Variants in SOX6 observed in about 807,000 individuals in gnomAD.
SOX6 encodes SRY-box transcription factor 6.
SOX6 carries 11 observed loss-of-function variants against 97.8 expected under a neutral mutation model. That is an observed-to-expected ratio of 0.11 (90% CI 0.07 to 0.19). The LOEUF (loss-of-function observed/expected upper bound fraction) is 0.19. Among genes scored for constraint, SOX6 ranks in the 10% least tolerant of loss-of-function variants. The probability of loss-of-function intolerance (pLI) is 1.00; values close to 1 mark genes in which losing one functional copy is unlikely to be tolerated. For synonymous variants in SOX6, 360 were observed against 371.4 expected, an observed-to-expected ratio of 0.97 and a Z score of 0.35; for missense variants, 810 against 1,039.5, an observed-to-expected ratio of 0.78 and a Z score of 3.04.
At chr11:16,608,035 C>T (rs1281587231) in intron 4 of SOX6, among the ~76,000 whole-genome samples, 1 of 151,558 alleles carries the variant, frequency 6.6e-6, no homozygotes, top group Non-Finnish European at 1.5e-5. Flanking sequence ...TAGGGGAGAA[C>T]TGGAAGGAGA....
intron 13 of SOX6, among the ~76,000 whole-genome samples, chr11:16,002,992 A>G (rs534278979): frequency 6.6e-6 from 1 of 152,300 alleles, no homozygotes; most frequent in East Asian, 1.9e-4. Flanking sequence ...TCTTACACCC[A>G]GTTTTAAATC....
intron 6 of SOX6, among the ~76,000 whole-genome samples, chr11:16,138,857 T>A (rs990972930): frequency 6.6e-6 from 1 of 152,124 alleles, no homozygotes; most frequent in African/African-American, 2.4e-5. Context: ...AGTTTCATCC[T>A]TGTCCCTACA....
At chr11:16,387,195 AT>A (rs1858013770) in intron 1 of SOX6, among the ~76,000 whole-genome samples, 1 of 152,200 alleles carries the variant, frequency 6.6e-6, no homozygotes, top group Non-Finnish European at 1.5e-5. Context: ...CAAAAGACTG[AT>A]TTAACTGATT....
chr11:16,631,954 A>G (rs1374087363), intron 3 of SOX6, among the ~76,000 whole-genome samples: 1 of 152,174 alleles, frequency 6.6e-6, no homozygotes, highest in East Asian at 1.9e-4. Context: ...TTTTAAAGAC[A>G]CTTATCTCTT....
chr11:16,518,215 G>T (rs1190509881), intron 4 of SOX6, among the ~76,000 whole-genome samples: 1 of 152,134 alleles, frequency 6.6e-6, no homozygotes, highest in Non-Finnish European at 1.5e-5. Context: ...TGCCAAATAA[G>T]ATTGTTCACT....
At chr11:16,608,159 G>A (rs951122587) in intron 4 of SOX6, among the ~76,000 whole-genome samples, 1 of 152,096 alleles carries the variant, frequency 6.6e-6, no homozygotes, top group Non-Finnish European at 1.5e-5. Flanking sequence ...GGGCTGCTGG[G>A]AGGAGGAGTC....
chr11:16,424,273 G>T (rs1388683258), intron 1 of SOX6, among the ~76,000 whole-genome samples: 1 of 152,206 alleles, frequency 6.6e-6, no homozygotes. Context: ...TGAATTATTT[G>T]TGCACATAGG....
intron 4 of SOX6, among the ~76,000 whole-genome samples, chr11:16,209,746 C>T (rs917049107): frequency 6.6e-6 from 1 of 151,470 alleles, no homozygotes; most frequent in Admixed American, 6.6e-5. Flanking sequence ...GCATGAGACT[C>T]TGTCTCAAAA....
chr11:16,042,507 A>G (rs187957604), intron 12 of SOX6, among the ~76,000 whole-genome samples: 1 of 152,328 alleles, frequency 6.6e-6, no homozygotes, highest in East Asian at 1.9e-4. Flanking sequence ...GTAAGATATC[A>G]TAGGAAATTA....
intron 12 of SOX6, among the ~76,000 whole-genome samples, chr11:16,021,936 G>T (rs543768236): frequency 6.6e-6 from 1 of 152,000 alleles, no homozygotes; most frequent in Non-Finnish European, 1.5e-5. Flanking sequence ...CCAGAAGAAG[G>T]TGAGGTTCAA....
At chr11:16,487,466 G>T (rs114860677) in intron 4 of SOX6, among the ~76,000 whole-genome samples, 1 of 152,288 alleles carries the variant, frequency 6.6e-6, no homozygotes, top group East Asian at 1.9e-4. Context: ...GAAGAGTCTT[G>T]CATTTGCAGT....
intron 4 of SOX6, among the ~76,000 whole-genome samples, chr11:16,587,213 TAGAACTTCA>T (rs1351304893): frequency 6.6e-6 from 1 of 152,206 alleles, no homozygotes; most frequent in African/African-American, 2.4e-5. Context: ...AGAAATACCA[TAGAACTTCA>T]AGGCAGGATA....
At position 15,970,504 on chromosome 11, in the gene SOX6, TGAG is replaced by T. The variant is rs935978485; in HGVS notation, c.*2302_*2304del. The T allele has an allele frequency of 1.3e-5, 2 of 152,576 alleles. No individual in the cohort carries two copies. Among genetic ancestry groups the T allele is most frequent in the South Asian group, 2.1e-4 (1 of 4,824 alleles). 9.5% of individuals were successfully genotyped at this position (152,576 alleles called of 1,614,324 possible). The stretch of plus-strand genomic sequence containing the variant: ...AGAAAGAAAAAAAACAAGAGTGAAC[TGAG>T]GAGGAGAGGTATATAATCAAAGAAA... On this transcript the variant is annotated 3_prime_UTR_variant, in exon 16 of 16. Transcript: ENST00000683767.
intron 1 of SOX6, among the ~76,000 whole-genome samples, chr11:16,347,643 T>C (rs1256683015): frequency 6.6e-6 from 1 of 152,102 alleles, no homozygotes; most frequent in Non-Finnish European, 1.5e-5. Context: ...AGCGTGAAAC[T>C]GGCCCATTAA....
intron 4 of SOX6, among the ~76,000 whole-genome samples, chr11:16,551,551 T>C (rs1227968858): frequency 6.6e-6 from 1 of 151,636 alleles, no homozygotes; most frequent in Admixed American, 6.6e-5. Context: ...ATAATATTTA[T>C]AATTATGGAG....
chr11:16,070,024 G>A lies in SOX6; in HGVS notation c.1102-14123C>T, dbSNP rs1050221260. 1.6e-4 allele frequency among the ~76,000 whole-genome samples: 24 copies of A among 152,058 alleles called. No individual in the cohort carries two copies. The East Asian group carries it at 2.5e-3, about 16-fold the overall frequency. ...TAAAAAATTAGCCAGGCGTGGTGGC[G>A]GGCGCCTGTAGTCCCAGCTACTCGG... On this transcript the variant is annotated intron_variant, in intron 9 of 15. Transcript: ENST00000683767.
intron 4 of SOX6, among the ~76,000 whole-genome samples, chr11:16,523,682 A>G (rs1274979029): frequency 6.6e-6 from 1 of 152,192 alleles, no homozygotes. Context: ...CAAAAAATTA[A>G]TGAATCCAGG....
chr11:16,061,442 G>A (rs546146672), intron 9 of SOX6, among the ~76,000 whole-genome samples: 11 of 151,450 alleles, frequency 7.3e-5, no homozygotes, highest in East Asian at 1.9e-4. Flanking sequence ...TAGAAGAACC[G>A]GTATTGTTAA....
intron 2 of SOX6, among the ~76,000 whole-genome samples, chr11:16,729,795 A>G (rs1478996990): frequency 5.3e-5 from 8 of 152,266 alleles, no homozygotes; most frequent in Non-Finnish European, 1.5e-5. Flanking sequence ...TTGGATAAAG[A>G]GTCAATACCC....
Sources: gnomAD v4.1 joint callset for allele counts (sites outside exome capture counted in the v4.1 genomes callset) on GRCh38, gnomAD v4.1.1 for gene constraint, MANE v1.5 for transcripts, NCBI Gene and HGNC (gene_info 2026-07-23, HGNC 2026-07-21) for gene names.